Variants in KCNMA1 observed in about 807,000 individuals in gnomAD.
The protein encoded by KCNMA1 is Calcium-activated potassium channel subunit alpha-1.
Under a neutral mutation model 140.0 loss-of-function variants are expected in KCNMA1, and 29 were observed. The ratio of observed to expected loss-of-function variants is 0.21; its 90% CI spans 0.15 to 0.28. The LOEUF is 0.28. Ranked by LOEUF, KCNMA1 falls within the 10% of genes least tolerant of loss-of-function variation. KCNMA1 has a pLI of 1.00. For synonymous variants in KCNMA1, 612 were observed against 611.9 expected (o/e 1.00, Z 0.00); for missense variants, 880 against 1,602.2 (o/e 0.55, Z 7.70).
At chr10:77,161,402 C>T (rs967059273) in intron 5 of KCNMA1, among the ~76,000 whole-genome samples, 16 of 152,070 alleles carry the variant, frequency 1.1e-4, no homozygotes, top group African/African-American at 3.9e-4. Context: ...CATAAGCCAC[C>T]ACGCCCAACT....
intron 1 of KCNMA1, among the ~76,000 whole-genome samples, chr10:77,422,240 T>A (rs287186): frequency 6.6e-6 from 1 of 152,056 alleles, no homozygotes; most frequent in Non-Finnish European, 1.5e-5. Flanking sequence ...TTAGTGTGCA[T>A]CAGAGTCACC....
At chr10:77,116,481 C>T (rs555075813) in intron 6 of KCNMA1, among the ~76,000 whole-genome samples, 19 of 152,008 alleles carry the variant, frequency 1.2e-4, no homozygotes, top group Admixed American at 1.1e-3. Flanking sequence ...GTACGTTTGT[C>T]CCTGTTCTGC....
At chr10:77,276,965 A>C (rs1226952273) in intron 2 of KCNMA1, among the ~76,000 whole-genome samples, 1 of 152,140 alleles carries the variant, frequency 6.6e-6, no homozygotes, top group Admixed American at 6.5e-5. Context: ...CAGGGCTGTT[A>C]GGTAATTCTC....
intron 2 of KCNMA1, among the ~76,000 whole-genome samples, chr10:77,323,124 A>G (rs1375866331): frequency 6.6e-6 from 1 of 152,188 alleles, no homozygotes; most frequent in Non-Finnish European, 1.5e-5. Flanking sequence ...TGTGGCCTTG[A>G]TATTCCCATA....
At chr10:77,308,069 G>A (rs1158286375) in intron 2 of KCNMA1, among the ~76,000 whole-genome samples, 1 of 152,196 alleles carries the variant, frequency 6.6e-6, no homozygotes, top group Non-Finnish European at 1.5e-5. Flanking sequence ...GCGACAAGGT[G>A]CTGTAGATGA....
In KCNMA1 at chr10:77,027,813, G is replaced by A. The variant is rs200921631; in HGVS notation, c.1928+10C>T. 6.8e-5 allele frequency: 110 copies of A among 1,612,912 alleles called. 3 individuals carry two copies. In the South Asian group the frequency reaches 9.4e-4, roughly 14 times the overall value. Reference sequence around the variant, plus strand: ...AGTGTCAGCTGGCTGCTGGGTCACCGCAAACTTACCGGCTCTCTCGGTTGG... The same window carrying A: ...AGTGTCAGCTGGCTGCTGGGTCACCACAAACTTACCGGCTCTCTCGGTTGG... On this transcript the variant is annotated intron_variant, in intron 16 of 27. Transcript: ENST00000286628.
intron 2 of KCNMA1, among the ~76,000 whole-genome samples, chr10:77,341,205 T>C (rs182889906): frequency 6.6e-6 from 1 of 152,336 alleles, no homozygotes; most frequent in Admixed American, 6.5e-5. Context: ...CTCATAGAAT[T>C]GTTGCAAAGA....
At chr10:77,341,285 T>C (rs1209576682) in intron 2 of KCNMA1, among the ~76,000 whole-genome samples, 1 of 152,264 alleles carries the variant, frequency 6.6e-6, no homozygotes, top group African/African-American at 2.4e-5. Flanking sequence ...GTGTTAGCTG[T>C]CAAGATAATT....
At chr10:77,557,343 G>C (rs914251874) in intron 1 of KCNMA1, among the ~76,000 whole-genome samples, 1 of 152,198 alleles carries the variant, frequency 6.6e-6, no homozygotes, top group African/African-American at 2.4e-5. Flanking sequence ...CCTATCCAGG[G>C]CGTGCCCTGG....
intron 1 of KCNMA1, among the ~76,000 whole-genome samples, chr10:77,427,750 T>G (rs945934522): frequency 1.5e-4 from 22 of 151,498 alleles, no homozygotes; most frequent in African/African-American, 5.1e-4. Context: ...TATTTATTTA[T>G]TTATTTATTT....
chr10:76,928,239 A>T (rs2058273563), intron 23 of KCNMA1, among the ~76,000 whole-genome samples: 1 of 151,710 alleles, frequency 6.6e-6, no homozygotes, highest in South Asian at 2.1e-4. Context: ...CACCAGAATT[A>T]TTTATTCAGA....
chr10:77,410,853 C>T (rs1417119303), intron 1 of KCNMA1, among the ~76,000 whole-genome samples: 2 of 152,228 alleles, frequency 1.3e-5, no homozygotes, highest in Non-Finnish European at 2.9e-5. Flanking sequence ...TTCACATCCT[C>T]ACTTTGTCCA....
chr10:77,520,974 T>G (rs2053193166), intron 1 of KCNMA1, among the ~76,000 whole-genome samples: 2 of 152,204 alleles, frequency 1.3e-5, no homozygotes, highest in African/African-American at 4.8e-5. Context: ...TCTTCCAAAT[T>G]TCTCATTATA....
chr10:77,424,390 A>G (rs1467565279), intron 1 of KCNMA1, among the ~76,000 whole-genome samples: 2 of 152,228 alleles, frequency 1.3e-5, no homozygotes, highest in Non-Finnish European at 2.9e-5. Flanking sequence ...AGAGAGGTCA[A>G]GGCACCTGCC....
At chr10:76,972,728 G>C (rs1411963531) in intron 19 of KCNMA1, among the ~76,000 whole-genome samples, 1 of 152,168 alleles carries the variant, frequency 6.6e-6, no homozygotes, top group Non-Finnish European at 1.5e-5. Context: ...TGCACTCACA[G>C]CCTAAAAATG....
intron 1 of KCNMA1, among the ~76,000 whole-genome samples, chr10:77,509,917 C>T (rs2047728235): frequency 6.6e-6 from 1 of 152,010 alleles, no homozygotes; most frequent in Non-Finnish European, 1.5e-5. Flanking sequence ...TTGTCAAACA[C>T]CAACTCTATG....
chr10:77,459,453 A>T (rs917156910), intron 1 of KCNMA1, among the ~76,000 whole-genome samples: 1 of 152,184 alleles, frequency 6.6e-6, no homozygotes, highest in Non-Finnish European at 1.5e-5. Context: ...ACTGACTAAT[A>T]AGCTAAAATC....
intron 3 of KCNMA1, among the ~76,000 whole-genome samples, chr10:77,246,207 T>C (rs1379780526): frequency 6.6e-6 from 1 of 152,230 alleles, no homozygotes; most frequent in African/African-American, 2.4e-5. Flanking sequence ...GAGATGGCTT[T>C]AGAATGAGCC....
rs1277426785 is a variant in KCNMA1, at chr10:77,064,843, A to G, written c.1749+8254T>C. Among the ~76,000 whole-genome samples the G allele has an allele frequency of 3.3e-5, 5 of 152,228 alleles. No individual in the cohort carries two copies. In the East Asian group the frequency reaches 9.6e-4, roughly 29 times the overall value. ...TTTGATTTGTGAACTTAAACAACACACTGACTGGATTTTCTGGCAGTTGAA... is the reference window on the plus strand; with the variant it reads ...TTTGATTTGTGAACTTAAACAACACGCTGACTGGATTTTCTGGCAGTTGAA... On this transcript the variant is annotated intron_variant, in intron 14 of 27. Coordinates refer to ENST00000286628, the MANE Select transcript of KCNMA1 (RefSeq NM_001161352.2).
Sources: allele counts gnomAD v4.1 joint callset (sites outside exome capture counted in the v4.1 genomes callset), GRCh38; gene constraint gnomAD v4.1.1; transcripts MANE v1.5; gene names NCBI Gene and HGNC (gene_info 2026-07-23, HGNC 2026-07-21).